DNAAF9: variants seen among roughly 807,000 people sequenced by gnomAD.
DNAAF9 encodes shulin.
In DNAAF9, 90 loss-of-function variants were observed where a neutral mutation model predicts 167.0. The observed-to-expected ratio is 0.54, with a 90% CI of 0.45 to 0.64. The LOEUF (loss-of-function observed/expected upper bound fraction) is 0.64. DNAAF9 is among the 30% of genes least tolerant of loss of function. The pLI, the probability that DNAAF9 is intolerant of heterozygous loss-of-function variation, is 0.00. For missense variants in DNAAF9, 1,315 were observed against 1,442.2 expected, an observed-to-expected ratio of 0.91 and a Z score of 1.43; for synonymous variants, 491 against 508.8, an observed-to-expected ratio of 0.96 and a Z score of 0.47.
chr20:3,318,241 A>G (rs887119004), intron 17 of DNAAF9, 48 bp downstream of exon 17: 9 of 893,010 alleles, frequency 1.0e-5, no homozygotes, highest in Non-Finnish European at 1.6e-5. Flanking sequence ...TGCCAAAAAA[A>G]AAAAAAAAAG....
At chr20:3,343,607 A>C in intron 9 of DNAAF9, 69 bp downstream of exon 9, 1 of 1,248,580 alleles carries the variant, frequency 8.0e-7, no homozygotes, top group Non-Finnish European at 1.2e-6. Flanking sequence ...GCACCCCCAC[A>C]GCCAACCCCT....
chr20:3,404,175 G>T (rs2084025126), intron 1 of DNAAF9, among the ~76,000 whole-genome samples: 2 of 152,158 alleles, frequency 1.3e-5, no homozygotes, highest in African/African-American at 2.4e-5. Flanking sequence ...GACTACAGGT[G>T]CCTGCCACCA....
At chr20:3,360,493 T>TA (rs2083347126) in intron 6 of DNAAF9, among the ~76,000 whole-genome samples, 1 of 152,202 alleles carries the variant, frequency 6.6e-6, no homozygotes, top group South Asian at 2.1e-4. Context: ...TAATAATAAC[T>TA]TTTTTTACAC....
In DNAAF9 at chr20:3,353,641, C is replaced by G. The variant is rs1452403106; in HGVS notation, c.691-5018G>C. On this transcript the variant is annotated intron_variant, in intron 7 of 36. Coordinates refer to ENST00000252032, the MANE Select transcript of DNAAF9 (RefSeq NM_001009984.3). ...AGACCCTGTCCCCCCGCACCACCCC[C>G]CCCCCCGCAAAAAAAAAGGCTATTA... Among the ~76,000 whole-genome samples the G allele has an allele frequency of 2.5e-4, 30 of 121,922 alleles. No homozygotes were observed. In the East Asian group the frequency reaches 3.5e-3, roughly 14 times the overall value. 80.0% of individuals were successfully genotyped at this position (121,922 alleles called of 152,430 possible).
intron 13 of DNAAF9, 114 bp from the exon 14 acceptor site, chr20:3,325,082 T>A (rs1405748051): frequency 1.4e-6 from 1 of 719,460 alleles, no homozygotes; most frequent in East Asian, 2.5e-5. Flanking sequence ...CCCTACAGTG[T>A]GTCCTTCCCA....
intron 6 of DNAAF9, among the ~76,000 whole-genome samples, chr20:3,369,437 T>A (rs949450571): frequency 5.9e-5 from 9 of 151,824 alleles, no homozygotes; most frequent in African/African-American, 2.2e-4. Flanking sequence ...AGTGTAGTGG[T>A]GCGATCTCAG....
intron 20 of DNAAF9, among the ~76,000 whole-genome samples, chr20:3,312,415 AG>A (rs890603110): frequency 6.6e-6 from 1 of 151,890 alleles, no homozygotes. Context: ...AGTCAGGGTG[AG>A]GGGGCTTTAA....
chr20:3,370,696 C>G (rs1283704676), intron 6 of DNAAF9, among the ~76,000 whole-genome samples: 1 of 152,180 alleles, frequency 6.6e-6, no homozygotes, highest in Non-Finnish European at 1.5e-5. Context: ...GCTTGAGCCA[C>G]CGCGCCCAGC....
chr20:3,326,325 G>C, intron 12 of DNAAF9, 41 bp from the exon 13 acceptor site: 2 of 1,391,628 alleles, frequency 1.4e-6, no homozygotes, highest in Non-Finnish European at 2.0e-6. Flanking sequence ...ACAGCATCAT[G>C]AGGTTTTTGT....
At chr20:3,407,452 T>A in intron 1 of DNAAF9, 23 bp downstream of exon 1, 2 of 1,297,744 alleles carry the variant, frequency 1.5e-6, no homozygotes, top group Non-Finnish European at 1.9e-6. Context: ...CGGCCGCCCC[T>A]CGGCTGCCTC....
chr20:3,378,232 G>T lies in DNAAF9; in HGVS notation c.284-1930C>A, dbSNP rs138030356. 5.4e-3 allele frequency among the ~76,000 whole-genome samples: 825 copies of T among 152,312 alleles called. 2 individuals carry two copies. The highest frequency in any genetic ancestry group is 6.8e-3 in the Middle Eastern group (2 of 294). ...CACCAAATATGGCCAGTGACTAGTT[G>T]TCCCTCAGACATCAGTGTCTAAAGC... On this transcript the variant is annotated intron_variant, in intron 3 of 36. Coordinates refer to ENST00000252032, the MANE Select transcript of DNAAF9 (RefSeq NM_001009984.3).
At chr20:3,351,439 A>G (rs573490990) in intron 7 of DNAAF9, among the ~76,000 whole-genome samples, 1 of 152,096 alleles carries the variant, frequency 6.6e-6, no homozygotes, top group South Asian at 2.1e-4. Flanking sequence ...AGCCAAGATC[A>G]TGCCACTGCA....
intron 7 of DNAAF9, among the ~76,000 whole-genome samples, chr20:3,354,008 T>C (rs1007292935): frequency 6.6e-6 from 1 of 152,188 alleles, no homozygotes; most frequent in African/African-American, 2.4e-5. Context: ...TGACTCTTAT[T>C]AAAAATCACC....
At chr20:3,332,456 TTC>T (rs1171344387) in intron 10 of DNAAF9, 95 bp from the exon 11 acceptor site, 14 of 651,314 alleles carry the variant, frequency 2.1e-5, no homozygotes, top group Non-Finnish European at 3.7e-5. Flanking sequence ...GAAATAAATT[TTC>T]TTTTTTTTTT....
At chr20:3,296,722 A>G in intron 23 of DNAAF9, 139 bp downstream of exon 23, 1 of 656,104 alleles carries the variant, frequency 1.5e-6, no homozygotes, top group Admixed American at 2.5e-5. Context: ...GGCTACCTGC[A>G]AGTTGGCAGC....
chr20:3,392,247 T>C (rs1328184016), intron 1 of DNAAF9, among the ~76,000 whole-genome samples: 2 of 152,222 alleles, frequency 1.3e-5, no homozygotes, highest in African/African-American at 4.8e-5. Context: ...CAGGTCTACC[T>C]GAGCATGTGG....
At chr20:3,330,571 A>C in intron 12 of DNAAF9, 75 bp downstream of exon 12, 1 of 884,414 alleles carries the variant, frequency 1.1e-6, no homozygotes, top group East Asian at 2.5e-5. Flanking sequence ...TGTTGATCTC[A>C]AAAGGAAGTA....
intron 20 of DNAAF9, among the ~76,000 whole-genome samples, chr20:3,308,063 C>T (rs991939607): frequency 3.3e-5 from 5 of 151,918 alleles, no homozygotes; most frequent in African/African-American, 9.7e-5. Context: ...TTACTAGCAC[C>T]GTTGAAACCC....
chr20:3,268,275 T>C (rs2068523955), intron 30 of DNAAF9, among the ~76,000 whole-genome samples: 1 of 151,950 alleles, frequency 6.6e-6, no homozygotes, highest in Admixed American at 6.6e-5. Flanking sequence ...CCTCAGGTGA[T>C]ACGCCCGCCT....
Sources: allele counts gnomAD v4.1 joint callset (sites outside exome capture counted in the v4.1 genomes callset), GRCh38; gene constraint gnomAD v4.1.1; transcripts MANE v1.5; gene names NCBI Gene and HGNC (gene_info 2026-07-23, HGNC 2026-07-21).